The following PKP4 variants were observed in gnomAD, a reference collection of about 807,000 sequenced individuals.
PKP4 encodes the protein plakophilin 4.
A neutral mutation model predicts 145.1 loss-of-function variants in PKP4; 90 were observed. The ratio of observed to expected loss-of-function variants is 0.62; its 90% CI spans 0.52 to 0.74. The LOEUF (loss-of-function observed/expected upper bound fraction) is 0.74. Ranked by LOEUF, PKP4 falls within the 30% of genes least tolerant of loss-of-function variation. The probability of loss-of-function intolerance (pLI) is 0.00; values close to 1 mark genes in which losing one functional copy is unlikely to be tolerated. For missense variants in PKP4, 1,340 were observed against 1,482.7 expected, an observed-to-expected ratio of 0.90 and a Z score of 1.58; for synonymous variants, 563 against 577.2, an observed-to-expected ratio of 0.98 and a Z score of 0.35.
At chr2:158,547,067 T>TG (rs1351686357) in intron 2 of PKP4, among the ~76,000 whole-genome samples, 1 of 152,150 alleles carries the variant, frequency 6.6e-6, no homozygotes, top group Admixed American at 6.5e-5. Context: ...TTTTGGGCCA[T>TG]GGGGGGGCAG....
At chr2:158,464,503 C>G (rs1690282288) in intron 1 of PKP4, among the ~76,000 whole-genome samples, 1 of 152,206 alleles carries the variant, frequency 6.6e-6, no homozygotes, top group African/African-American at 2.4e-5. Flanking sequence ...ATGTATTTAT[C>G]TATAAAACAA....
At chr2:158,635,671 T>C (rs547959611) in intron 9 of PKP4, among the ~76,000 whole-genome samples, 2 of 152,178 alleles carry the variant, frequency 1.3e-5, no homozygotes, top group African/African-American at 4.8e-5. Context: ...AAGGACTTCA[T>C]GTATGATAAT....
rs752144000 is a variant in PKP4, at chr2:158,662,917, C to T, written c.2232C>T (p.Cys744=). 29 of 1,605,856 alleles carry T rather than the reference C, an allele frequency of 1.8e-5. No homozygotes were observed. Among genetic ancestry groups the T allele is most frequent in the Admixed American group, 1.6e-4 (9 of 57,668 alleles). ...TTCAGACGGTGGAGAACTGCGTGTG[C>T]ACCCTGAGGAACCTGTCCTATCGGC... ...YDSKTVENCV[C]TLRNLSYRLE... The change falls in exon 14 of 22, where the codon TGC becomes TGT. Residue 744 remains cysteine (C), a synonymous_variant. Coordinates refer to ENST00000389759, the MANE Select transcript of PKP4 (RefSeq NM_003628.6).
chr2:158,480,527 G>C (rs112086999), intron 1 of PKP4, among the ~76,000 whole-genome samples: 7 of 149,936 alleles, frequency 4.7e-5, no homozygotes, highest in Non-Finnish European at 7.4e-5. Flanking sequence ...GTGAGCCACC[G>C]CGCCTGGCCT....
chr2:158,629,763 T>C (rs1470861256), intron 7 of PKP4, among the ~76,000 whole-genome samples: 3 of 152,118 alleles, frequency 2.0e-5, no homozygotes, highest in Non-Finnish European at 4.4e-5. Flanking sequence ...CAGGCTGGCG[T>C]GCAGTGGCGC....
chr2:158,483,270 CAA>C lies in PKP4; in HGVS notation c.-6+26054_-6+26055del, dbSNP rs568010246. ...CTATTCATTGTTAATGCATTTTATT[CAA>C]AGACTCCCCAATTTCTAATGCTTTT... is the stretch of plus-strand genomic sequence containing the variant. On this transcript the variant is annotated intron_variant, in intron 1 of 21. Coordinates refer to ENST00000389759, the MANE Select transcript of PKP4 (RefSeq NM_003628.6). 2.7e-3 allele frequency among the ~76,000 whole-genome samples: 411 copies of C among 151,650 alleles called. 1 individual carries two copies. The highest frequency in any genetic ancestry group is 4.8e-3 in the Admixed American group (74 of 15,268).
intron 1 of PKP4, among the ~76,000 whole-genome samples, chr2:158,470,345 T>C (rs1198272541): frequency 1.3e-5 from 2 of 152,170 alleles, no homozygotes; most frequent in African/African-American, 2.4e-5. Context: ...AAACCTTAAT[T>C]ACTCTCCTTC....
At chr2:158,493,893 A>C (rs1443807161) in intron 1 of PKP4, among the ~76,000 whole-genome samples, 4 of 151,608 alleles carry the variant, frequency 2.6e-5, no homozygotes, top group Non-Finnish European at 5.9e-5. Flanking sequence ...CCCTTTTTTC[A>C]GTCTTCTTTC....
intron 2 of PKP4, among the ~76,000 whole-genome samples, chr2:158,572,808 A>G (rs78616839): frequency 0.086 from 13,053 of 152,292 alleles, 639 homozygotes; most frequent in Admixed American, 0.11. Context: ...TTCTATGCCT[A>G]TGAGACAACC....
At chr2:158,523,059 C>T (rs7421094) in intron 1 of PKP4, among the ~76,000 whole-genome samples, 101,608 of 151,654 alleles carry the variant, frequency 0.67, 34,272 homozygotes, top group South Asian at 0.83. Context: ...GGGGGAGGGG[C>T]GCCCGCCATT....
chr2:158,590,729 G>C (rs1305939037), intron 3 of PKP4, among the ~76,000 whole-genome samples: 1 of 152,060 alleles, frequency 6.6e-6, no homozygotes, highest in East Asian at 1.9e-4. Context: ...AGTTTAATCA[G>C]AATAAGTCTA....
At chr2:158,500,369 A>G (rs1212963804) in intron 1 of PKP4, among the ~76,000 whole-genome samples, 1 of 152,212 alleles carries the variant, frequency 6.6e-6, no homozygotes, top group East Asian at 1.9e-4. Context: ...TTTTTGACTC[A>G]CAAATACATT....
intron 1 of PKP4, among the ~76,000 whole-genome samples, chr2:158,492,649 C>T (rs1274807320): frequency 6.6e-6 from 1 of 152,196 alleles, no homozygotes; most frequent in African/African-American, 2.4e-5. Flanking sequence ...AAATTGCTTT[C>T]CTTCTTTGCC....
intron 4 of PKP4, among the ~76,000 whole-genome samples, chr2:158,605,491 A>T (rs2050581641): frequency 6.6e-6 from 1 of 152,204 alleles, no homozygotes; most frequent in Admixed American, 6.5e-5. Flanking sequence ...TTTATAGCCT[A>T]ACAGGACGTT....
intron 3 of PKP4, among the ~76,000 whole-genome samples, chr2:158,578,607 A>G (rs1291621096): frequency 1.3e-5 from 2 of 152,170 alleles, no homozygotes; most frequent in Non-Finnish European, 2.9e-5. Context: ...CACAAACTCA[A>G]TAATATGGTA....
intron 1 of PKP4, among the ~76,000 whole-genome samples, chr2:158,473,872 C>T (rs1372241626): frequency 3.9e-5 from 6 of 151,928 alleles, no homozygotes; most frequent in African/African-American, 1.5e-4. Flanking sequence ...TTGAAGCTAG[C>T]TTATGAAATT....
intron 1 of PKP4, among the ~76,000 whole-genome samples, chr2:158,530,919 T>C (rs890520710): frequency 6.6e-6 from 1 of 152,218 alleles, no homozygotes; most frequent in Non-Finnish European, 1.5e-5. Flanking sequence ...TACACAGTTA[T>C]AAGCTCTCTG....
rs765193400 is a variant in PKP4, at chr2:158,621,051, T to C, written c.342T>C (p.Tyr114=). Residue 114 remains tyrosine, a synonymous_variant, in exon 5 of 22, where the codon TAT becomes TAC. Transcript: ENST00000389759. ...CTGACGCTGTCCAGCCCAACAACTA[T>C]CTCATCAGGACAGAGCCAGAACAAG... ...RVSDAVQPNN[Y]LIRTEPEQGT... The C allele has an allele frequency of 1.2e-6, 2 of 1,613,864 alleles. No individual in the cohort carries two copies. Among genetic ancestry groups the C allele is most frequent in the African/African-American group, 2.7e-5 (2 of 74,892 alleles).
Position 158,676,739 on chromosome 2 carries a change from T to C in PKP4, c.3128T>C (p.Val1043Ala), listed in dbSNP as rs1326417055. The C allele has an allele frequency of 1.9e-6, 3 of 1,614,074 alleles. No individual in the cohort carries two copies. The African/African-American group carries it at 4.0e-5, about 22-fold the overall frequency. The change falls in exon 20 of 22, where the codon GTC becomes GCC. Residue 1043 changes from valine (V) to alanine (A), a missense_variant and splice_region_variant. Val to Ala is a moderately conservative substitution (Grantham distance 64). Coordinates refer to ENST00000389759, the MANE Select transcript of PKP4 (RefSeq NM_003628.6). ...NQQMSPIIQSVGSTSSSPALL... is the reference protein window; with the variant it reads ...NQQMSPIIQSAGSTSSSPALL... ...TCTCCTCCTTTGCCTCTCCCTTCAG[T>C]CGGCAGCACCTCTTCCTCACCAGCA...
Sources: gnomAD v4.1 joint callset for allele counts (sites outside exome capture counted in the v4.1 genomes callset) on GRCh38, gnomAD v4.1.1 for gene constraint, MANE v1.5 for transcripts, NCBI Gene and HGNC (gene_info 2026-07-23, HGNC 2026-07-21) for gene names.